TGFBR3: variants seen among roughly 807,000 people sequenced by gnomAD.
TGFBR3 encodes the protein transforming growth factor beta receptor 3, also known as transforming growth factor beta receptor type 3.
Under a neutral mutation model 87.9 loss-of-function variants are expected in TGFBR3, and 46 were observed. The observed-to-expected ratio is 0.52, with a 90% confidence interval of 0.41 to 0.67. The LOEUF (loss-of-function observed/expected upper bound fraction) is 0.67, where lower values mean the gene tolerates loss of function less well. Ranked by LOEUF, TGFBR3 falls within the 30% of genes least tolerant of loss-of-function variation. The probability of loss-of-function intolerance (pLI) is 0.00; values close to 1 mark genes in which losing one functional copy is unlikely to be tolerated. For synonymous variants in TGFBR3, 381 were observed against 391.6 expected (o/e 0.97, Z 0.32); for missense variants, 866 against 1,041.9 (o/e 0.83, Z 2.32).
rs1218914335 is a variant in TGFBR3, at chr1:91,734,906, T to G, written c.438A>C (p.Ala146=). The G allele has an allele frequency of 6.2e-7, 1 of 1,614,116 alleles. No individual in the cohort carries two copies. Among genetic ancestry groups the G allele is most frequent in the Non-Finnish European group, 8.5e-7 (1 of 1,180,028 alleles). ...QFSSANFSLT[A]ETEERNFPHG... ...GGGGGAAGTTCCTTTCTTCTGTTTC[T>G]GCTGTCAAGGAGAAGTTTGCTGATG... Residue 146 remains alanine (A), a synonymous_variant, in exon 5 of 17, where the codon GCA becomes GCC. Coordinates refer to ENST00000212355, the MANE Select transcript of TGFBR3 (RefSeq NM_003243.5).
chr1:91,768,069 G>T (rs996235198), intron 3 of TGFBR3, among the ~76,000 whole-genome samples: 3 of 152,000 alleles, frequency 2.0e-5, no homozygotes, highest in Non-Finnish European at 2.9e-5. Flanking sequence ...AAAATTAGCC[G>T]GGTGTGGTGG....
intron 2 of TGFBR3, among the ~76,000 whole-genome samples, chr1:91,893,124 T>C (rs1253276079): frequency 6.6e-6 from 1 of 152,240 alleles, no homozygotes; most frequent in East Asian, 1.9e-4. Context: ...TGAGCACTTA[T>C]TTTGTGGAAG....
At chr1:91,838,483 G>A (rs566635546) in intron 2 of TGFBR3, among the ~76,000 whole-genome samples, 3 of 146,406 alleles carry the variant, frequency 2.0e-5, no homozygotes, top group African/African-American at 7.6e-5. Context: ...TTTTGAGACG[G>A]AGTCTCGCCC....
At chr1:91,699,716 A>C (rs1048199128) in intron 14 of TGFBR3, among the ~76,000 whole-genome samples, 15 of 152,216 alleles carry the variant, frequency 9.9e-5, no homozygotes, top group African/African-American at 2.9e-4. Context: ...ATATCGTGTG[A>C]CTAGAGCCCA....
At chr1:91,831,443 T>C (rs540920841) in intron 2 of TGFBR3, among the ~76,000 whole-genome samples, 1 of 134,420 alleles carries the variant, frequency 7.4e-6, no homozygotes, top group African/African-American at 2.6e-5. Context: ...AAATTAAGGT[T>C]TACCATTCCC....
intron 2 of TGFBR3, among the ~76,000 whole-genome samples, chr1:91,834,613 T>G (rs567985142): frequency 6.6e-6 from 1 of 152,256 alleles, no homozygotes; most frequent in Non-Finnish European, 1.5e-5. Context: ...TCTGCTTTCA[T>G]GGAGCTTCCA....
chr1:91,862,820 T>C (rs972498392), intron 1 of TGFBR3, among the ~76,000 whole-genome samples: 15 of 152,246 alleles, frequency 9.9e-5, no homozygotes, highest in Middle Eastern at 3.4e-3. Flanking sequence ...GGCAGAATGG[T>C]GGCATTTCCG....
At chr1:91,784,636 C>T (rs756037857) in intron 3 of TGFBR3, among the ~76,000 whole-genome samples, 20 of 152,254 alleles carry the variant, frequency 1.3e-4, no homozygotes, top group Middle Eastern at 3.4e-3. Flanking sequence ...AAGACCTAAG[C>T]ATGGGCTTCC....
intron 1 of TGFBR3, among the ~76,000 whole-genome samples, chr1:91,871,024 G>A (rs1346603902): frequency 6.6e-6 from 1 of 151,444 alleles, no homozygotes; most frequent in Non-Finnish European, 1.5e-5. Flanking sequence ...GCAACAGAGT[G>A]GGACTCTGCT....
chr1:91,830,205 T>A (rs1308717993), intron 2 of TGFBR3: 1 of 152,272 alleles, frequency 6.6e-6, no homozygotes, highest in Non-Finnish European at 1.5e-5. Flanking sequence ...ACTAGTACCA[T>A]GTTCTTTGCC....
In TGFBR3 at chr1:91,835,772, G is replaced by A. The variant is rs1677036861; in HGVS notation, c.61+25699C>T. ...GAACCCGGAAGGCGGAGCTTGCAGT[G>A]AGCCGAGATTGTGCCACTGTACTCC... is the stretch of plus-strand genomic sequence containing the variant. On this transcript the variant is annotated intron_variant, in intron 2 of 16. Coordinates refer to ENST00000212355, the MANE Select transcript of TGFBR3 (RefSeq NM_003243.5). Among the ~76,000 whole-genome samples the A allele has an allele frequency of 4.2e-5, 6 of 143,276 alleles. No homozygotes were observed. In the South Asian group the frequency reaches 1.4e-3, roughly 32 times the overall value. 94.0% of individuals were successfully genotyped at this position (143,276 alleles called of 152,430 possible).
At chr1:91,865,915 A>C (rs1237678393) in intron 1 of TGFBR3, among the ~76,000 whole-genome samples, 4 of 12,522 alleles carry the variant, frequency 3.2e-4, no homozygotes, top group South Asian at 2.7e-3. Flanking sequence ...ACGTCTCCCA[A>C]AAAAAAAAAA....
chr1:91,879,277 A>T (rs1557759299), intron 1 of TGFBR3, among the ~76,000 whole-genome samples: 1 of 142,544 alleles, frequency 7.0e-6, no homozygotes, highest in East Asian at 2.0e-4. Context: ...TCAAAAAAAA[A>T]AATAACCATT....
At chr1:91,876,487 A>G (rs534238861) in intron 1 of TGFBR3, among the ~76,000 whole-genome samples, 3 of 152,288 alleles carry the variant, frequency 2.0e-5, no homozygotes, top group Admixed American at 1.3e-4. Context: ...CCTTTCCCAC[A>G]CTAACATCCC....
intron 3 of TGFBR3, among the ~76,000 whole-genome samples, chr1:91,762,313 T>C (rs2100906297): frequency 6.6e-6 from 1 of 152,292 alleles, no homozygotes; most frequent in East Asian, 1.9e-4. Context: ...GGAATTACAT[T>C]CATTGCAGGG....
intron 1 of TGFBR3, among the ~76,000 whole-genome samples, chr1:91,904,931 A>T (rs1679812676): frequency 6.6e-6 from 1 of 151,508 alleles, no homozygotes; most frequent in Non-Finnish European, 1.5e-5. Flanking sequence ...TGAACTCCTA[A>T]CCTCGTGATC....
At position 91,681,626 on chromosome 1, in the gene TGFBR3, C is replaced by A; in HGVS notation, c.*2113G>T. ...AAAGATTTTTTAAAAAAGCAAAGGACTGATCGAAAGAATTCACAGTAGCTG... is the reference window on the plus strand; with the variant it reads ...AAAGATTTTTTAAAAAAGCAAAGGAATGATCGAAAGAATTCACAGTAGCTG... On this transcript the variant is annotated 3_prime_UTR_variant, in exon 17 of 17. Transcript: ENST00000212355. The A allele has an allele frequency of 2.3e-6, 1 of 435,052 alleles. No individual in the cohort carries two copies. The highest frequency in any genetic ancestry group is 1.7e-5 in the South Asian group (1 of 58,860). 26.9% of individuals were successfully genotyped at this position (435,052 alleles called of 1,614,324 possible). A position where few individuals can be genotyped will look rare whatever the true frequency, so the allele number is the denominator to read the frequency against.
chr1:91,768,302 GCTGC>G (rs1052678487), intron 3 of TGFBR3, among the ~76,000 whole-genome samples: 1 of 152,004 alleles, frequency 6.6e-6, no homozygotes, highest in Non-Finnish European at 1.5e-5. Context: ...TCCAGAATCT[GCTGC>G]CTTGTATTAA....
chr1:91,861,415 G>T, intron 2 of TGFBR3, 56 bp downstream of exon 2: 1 of 1,364,920 alleles, frequency 7.3e-7, no homozygotes, highest in Non-Finnish European at 1.0e-6. Flanking sequence ...AAGAGACTGG[G>T]ACAAAATATA....
Sources: allele counts gnomAD v4.1 joint callset (sites outside exome capture counted in the v4.1 genomes callset), GRCh38; gene constraint gnomAD v4.1.1; transcripts MANE v1.5; gene names NCBI Gene and HGNC (gene_info 2026-07-23, HGNC 2026-07-21).